NIN: variants seen among roughly 807,000 people sequenced by gnomAD.
NIN encodes the protein ninein.
Under a neutral mutation model 257.6 loss-of-function variants are expected in NIN, and 137 were observed. The ratio of observed to expected loss-of-function variants is 0.53; its 90% CI spans 0.46 to 0.61. NIN has a LOEUF of 0.61. Among genes scored for constraint, NIN ranks in the 20% least tolerant of loss-of-function variants. The pLI, the probability that NIN is intolerant of heterozygous loss-of-function variation, is 0.00. For missense variants in NIN, 2,439 were observed against 2,501.2 expected (o/e 0.98, Z 0.53); for synonymous variants, 918 against 919.8 (o/e 1.00, Z 0.04).
rs555394047 is a variant in NIN, at chr14:50,740,441, C to T, written c.5449-954G>A. On this transcript the variant is annotated intron_variant, in intron 25 of 30. Transcript: ENST00000530997. ...TTGGCTCACTGCAACCTAGCCCTCC[C>T]GGGTTCAAGCGATTCTCCTGCCTTA... 6.6e-5 allele frequency among the ~76,000 whole-genome samples: 10 copies of T among 152,256 alleles called. No individual in the cohort carries two copies. The East Asian group carries it at 7.7e-4, about 12-fold the overall frequency.
intron 17 of NIN, among the ~76,000 whole-genome samples, chr14:50,759,339 T>C (rs1449002026): frequency 6.6e-6 from 1 of 152,216 alleles, no homozygotes; most frequent in Non-Finnish European, 1.5e-5. Flanking sequence ...TACTTTCCTC[T>C]TTTACAAACA....
At chr14:50,814,214 A>G (rs1161304379) in intron 3 of NIN, among the ~76,000 whole-genome samples, 3 of 152,218 alleles carry the variant, frequency 2.0e-5, no homozygotes, top group African/African-American at 7.2e-5. Context: ...GTACTCCAAG[A>G]CTGGTCCAAG....
chr14:50,736,120 T>G (rs1299276133), intron 27 of NIN, among the ~76,000 whole-genome samples: 1 of 152,122 alleles, frequency 6.6e-6, no homozygotes, highest in Non-Finnish European at 1.5e-5. Flanking sequence ...ACTTTTTAAT[T>G]TTAAAGATTT....
chr14:50,747,166 CTTTG>C (rs1288856492), intron 22 of NIN, among the ~76,000 whole-genome samples: 2 of 152,304 alleles, frequency 1.3e-5, no homozygotes, highest in Non-Finnish European at 2.9e-5. Context: ...AAAGTTAAGC[CTTTG>C]TTTGAAACTT....
intron 21 of NIN, among the ~76,000 whole-genome samples, chr14:50,751,313 G>T (rs924428536): frequency 1.3e-5 from 2 of 152,142 alleles, no homozygotes; most frequent in Non-Finnish European, 2.9e-5. Flanking sequence ...CAGGGCAAAA[G>T]CTAGGTACAT....
In NIN at chr14:50,741,702, C is replaced by T. The variant is rs373738252; in HGVS notation, c.5328G>A (p.Gln1776=). The change falls in exon 25 of 31, where the codon CAG becomes CAA. Residue 1776 remains glutamine, a synonymous_variant. Coordinates refer to ENST00000530997, the MANE Select transcript of NIN (RefSeq NM_020921.4). ...EKVQNLEDTV[Q]NVNLQMSRMK... is the part of the protein sequence containing the mutation. Reference sequence around the variant, plus strand: ...TCCGGGACATTTGCAGGTTTACATTCTGCACGGTGTCTTCTAAATTCTGAA... The same window carrying T: ...TCCGGGACATTTGCAGGTTTACATTTTGCACGGTGTCTTCTAAATTCTGAA... 4.1e-5 allele frequency: 66 copies of T among 1,613,878 alleles called. No homozygotes were observed. The highest frequency in any genetic ancestry group is 3.0e-5 in the Non-Finnish European group (35 of 1,179,982).
At chr14:50,761,672 T>G in intron 16 of NIN, 118 bp downstream of exon 16, 2 of 1,140,876 alleles carry the variant, frequency 1.8e-6, no homozygotes, top group Non-Finnish European at 2.5e-6. Flanking sequence ...CCTGAGGATG[T>G]GGGTTCCCAA....
intron 11 of NIN, 32 bp from the exon 12 acceptor site, chr14:50,770,594 C>T: frequency 6.2e-7 from 1 of 1,608,984 alleles, no homozygotes; most frequent in Non-Finnish European, 8.5e-7. Flanking sequence ...AAGCTGCCAT[C>T]ACGTCTTTCA....
intron 15 of NIN, among the ~76,000 whole-genome samples, 159 bp downstream of exon 15, chr14:50,763,667 A>G (rs1011151896): frequency 6.6e-6 from 1 of 152,128 alleles, no homozygotes; most frequent in Admixed American, 6.6e-5. Context: ...CAAATGAAAA[A>G]CGAGACCACA....
At chr14:50,731,512 C>T (rs1484579861) in intron 28 of NIN, among the ~76,000 whole-genome samples, 1 of 120,374 alleles carries the variant, frequency 8.3e-6, no homozygotes, top group African/African-American at 3.4e-5. Context: ...GCCTGGGTGA[C>T]AGTGAGACTC....
At position 50,758,622 on chromosome 14, in the gene NIN, A is replaced by AT; in HGVS notation, c.2407dup (p.Met803AsnfsTer6). On this transcript the variant is annotated frameshift_variant, in exon 18 of 31. Coordinates refer to ENST00000530997, the MANE Select transcript of NIN (RefSeq NM_020921.4). LOFTEE classifies it high-confidence loss of function. ...GGTTCTTCTATTACACTCTGTTTCCATTTTTTCCCTAAATATAGTCAACAT... is the reference window on the plus strand; with the variant it reads ...GGTTCTTCTATTACACTCTGTTTCCATTTTTTTCCCTAAATATAGTCAACAT... The AT allele has an allele frequency of 1.9e-6, 3 of 1,556,714 alleles. No homozygotes were observed. The highest frequency in any genetic ancestry group is 2.6e-6 in the Non-Finnish European group (3 of 1,153,250).
chr14:50,780,133 T>G (rs1335844429), intron 5 of NIN, among the ~76,000 whole-genome samples: 1 of 152,192 alleles, frequency 6.6e-6, no homozygotes, highest in African/African-American at 2.4e-5. Context: ...AACAAGTAGG[T>G]CCACAGTGGC....
At chr14:50,819,711 A>G (rs1333743848) in intron 3 of NIN, among the ~76,000 whole-genome samples, 1 of 152,196 alleles carries the variant, frequency 6.6e-6, no homozygotes, top group Non-Finnish European at 1.5e-5. Flanking sequence ...GACACACACA[A>G]TACATATTTG....
At position 50,756,917 on chromosome 14, in the gene NIN, T is replaced by C. The variant is rs1414195515; in HGVS notation, c.4113A>G (p.Glu1371=). 2 of 1,564,674 alleles carry C rather than the reference T, an allele frequency of 1.3e-6. No individual in the cohort carries two copies. Among genetic ancestry groups the C allele is most frequent in the East Asian group, 2.4e-5 (1 of 42,030 alleles). ...CACTCCTAACCCTGGGCACACACTC[T>C]TCCAGTGTCTGATTGAGCTGGAGTA... ...GNILQLNQTL[E]ECVPRVRSVH... is the part of the protein sequence containing the mutation. Residue 1371 remains glutamate, a synonymous_variant, in exon 18 of 31, where the codon GAA becomes GAG. Transcript: ENST00000530997.
chr14:50,770,976 C>G lies in NIN; in HGVS notation c.1135G>C (p.Val379Leu), dbSNP rs1298641763. Reference protein sequence around the residue: ...IRHLLERVDQVVREKEKLRSD... With the variant: ...IRHLLERVDQLVREKEKLRSD... ...CGTAGCTTCTCTTTTTCTCTGACCA[C>G]CTGATCAACTCGTTCCCTAGGATCA... Residue 379 changes from valine to leucine, a missense_variant, in exon 11 of 31, where the codon GTG (valine) becomes CTG (leucine). Transcript: ENST00000530997. The G allele has an allele frequency of 1.2e-6, 2 of 1,614,064 alleles. No individual in the cohort carries two copies. The highest frequency in any genetic ancestry group is 1.7e-6 in the Non-Finnish European group (2 of 1,179,984).
At chr14:50,732,251 T>TC (rs1318691778) in intron 28 of NIN, among the ~76,000 whole-genome samples, 1 of 152,162 alleles carries the variant, frequency 6.6e-6, no homozygotes, top group African/African-American at 2.4e-5. Flanking sequence ...ACAGCTGTGC[T>TC]CAAATCCCCT....
chr14:50,732,062 C>A (rs1434569486), intron 28 of NIN, among the ~76,000 whole-genome samples: 1 of 152,156 alleles, frequency 6.6e-6, no homozygotes, highest in Non-Finnish European at 1.5e-5. Flanking sequence ...GTTGAAAAAG[C>A]TCCGAAGTAG....
chr14:50,730,122 A>T (rs559238432), intron 28 of NIN, among the ~76,000 whole-genome samples: 1 of 152,308 alleles, frequency 6.6e-6, no homozygotes, highest in South Asian at 2.1e-4. Context: ...ATTCATAAAG[A>T]TTGTTAAATG....
chr14:50,746,607 G>A (rs1442863165), intron 22 of NIN, among the ~76,000 whole-genome samples: 1 of 152,192 alleles, frequency 6.6e-6, no homozygotes, highest in Non-Finnish European at 1.5e-5. Context: ...TGAAGAGACA[G>A]ATGTTAAGAA....
Sources: allele counts gnomAD v4.1 joint callset (sites outside exome capture counted in the v4.1 genomes callset), GRCh38; gene constraint gnomAD v4.1.1; transcripts MANE v1.5; gene names NCBI Gene and HGNC (gene_info 2026-07-23, HGNC 2026-07-21).